Variants in PRKG1 observed in about 807,000 individuals in gnomAD.
PRKG1 encodes cGMP-dependent protein kinase 1.
A neutral mutation model predicts 88.1 loss-of-function variants in PRKG1; 35 were observed. The observed-to-expected ratio is 0.40, with a 90% CI of 0.30 to 0.53. The LOEUF is 0.53. Among genes scored for constraint, PRKG1 ranks in the 20% least tolerant of loss-of-function variants. The pLI is 0.59. For synonymous variants in PRKG1, 303 were observed against 292.5 expected, an observed-to-expected ratio of 1.04 and a Z score of -0.37; for missense variants, 540 against 839.8, an observed-to-expected ratio of 0.64 and a Z score of 4.41.
In PRKG1 at chr10:51,228,240, C is replaced by T. The variant is rs184441929; in HGVS notation, c.478+74910C>T. On this transcript the variant is annotated intron_variant, in intron 2 of 17. Transcript: ENST00000373980. The stretch of plus-strand genomic sequence containing the variant: ...CAACGAGTTATGTTATTGTGTCTGC[C>T]CTTTGGAAACTTTACTTTGTAGGAA... Among the ~76,000 whole-genome samples, 13 of 152,172 alleles carry T rather than the reference C, an allele frequency of 8.5e-5. No individual in the cohort carries two copies. The East Asian group carries it at 2.3e-3, about 27-fold the overall frequency.
chr10:51,967,370 A>G (rs6480624), intron 5 of PRKG1, among the ~76,000 whole-genome samples: 134,458 of 151,794 alleles, frequency 0.89, 59,727 homozygotes, highest in East Asian at 1. Flanking sequence ...ATGAGAACAC[A>G]TGGACACAGG....
At chr10:51,674,590 G>C (rs1034354590) in intron 3 of PRKG1, among the ~76,000 whole-genome samples, 3 of 152,120 alleles carry the variant, frequency 2.0e-5, no homozygotes, top group African/African-American at 7.2e-5. Context: ...ATCACAAGCA[G>C]TATTTTGAAT....
intron 10 of PRKG1, among the ~76,000 whole-genome samples, chr10:52,264,149 G>A (rs1030710985): frequency 6.7e-6 from 1 of 148,292 alleles, no homozygotes; most frequent in African/African-American, 2.5e-5. Flanking sequence ...AGAATCTAAG[G>A]CCAGTGTCCT....
chr10:51,324,672 C>T (rs1277673942), intron 2 of PRKG1, among the ~76,000 whole-genome samples: 2 of 151,948 alleles, frequency 1.3e-5, no homozygotes, highest in East Asian at 1.9e-4. Context: ...ACCTGGGAGG[C>T]GGAGCTTGCA....
upstream of PRKG1, among the ~76,000 whole-genome samples, chr10:51,071,686 C>CT (rs1843828835): frequency 1.3e-5 from 2 of 152,110 alleles, no homozygotes; most frequent in African/African-American, 2.4e-5. Context: ...AAAAAACTCA[C>CT]TTTTTTCCAA....
At chr10:51,531,169 C>T (rs1229455691) in intron 3 of PRKG1, among the ~76,000 whole-genome samples, 4 of 152,180 alleles carry the variant, frequency 2.6e-5, no homozygotes, top group Non-Finnish European at 5.9e-5. Flanking sequence ...TGTTGAGCAT[C>T]TGCCTTGTAA....
chr10:51,786,501 CT>C (rs1359743579), intron 3 of PRKG1, among the ~76,000 whole-genome samples: 1 of 152,042 alleles, frequency 6.6e-6, no homozygotes, highest in Non-Finnish European at 1.5e-5. Context: ...ACTGTAAGCA[CT>C]TTTTCCATGG....
intron 3 of PRKG1, among the ~76,000 whole-genome samples, chr10:51,593,129 C>T (rs1233318424): frequency 6.6e-6 from 1 of 152,108 alleles, no homozygotes; most frequent in East Asian, 1.9e-4. Flanking sequence ...AAAAGAATGC[C>T]ATAGTTCCAT....
intron 3 of PRKG1, among the ~76,000 whole-genome samples, chr10:51,730,632 A>G (rs1041051149): frequency 6.6e-6 from 1 of 152,200 alleles, no homozygotes; most frequent in South Asian, 2.1e-4. Flanking sequence ...TTATGTTGCA[A>G]TCTATCAAAT....
At chr10:51,277,822 G>A (rs1735352449) in intron 2 of PRKG1, among the ~76,000 whole-genome samples, 3 of 152,210 alleles carry the variant, frequency 2.0e-5, no homozygotes, top group Admixed American at 6.5e-5. Context: ...AGACTTTGCT[G>A]AAGTTGCTTA....
chr10:51,622,005 T>A (rs1273062922), intron 3 of PRKG1, among the ~76,000 whole-genome samples: 1 of 152,212 alleles, frequency 6.6e-6, no homozygotes, highest in Non-Finnish European at 1.5e-5. Flanking sequence ...TTTCTTCAGA[T>A]TTCTCCTCAC....
intron 2 of PRKG1, among the ~76,000 whole-genome samples, chr10:51,310,338 C>G (rs1841151228): frequency 6.6e-6 from 1 of 152,210 alleles, no homozygotes; most frequent in African/African-American, 2.4e-5. Flanking sequence ...TCAATACACA[C>G]TTTTTAAAAA....
At chr10:51,537,659 C>A (rs529652308) in intron 3 of PRKG1, among the ~76,000 whole-genome samples, 46 of 143,738 alleles carry the variant, frequency 3.2e-4, no homozygotes, top group African/African-American at 1.1e-3. Context: ...ACCCAGGAGG[C>A]AGAGGTTGCA....
intron 1 of PRKG1, among the ~76,000 whole-genome samples, chr10:51,150,760 C>A (rs150936994): frequency 1.3e-5 from 2 of 151,996 alleles, no homozygotes; most frequent in African/African-American, 2.4e-5. Flanking sequence ...CCTGAAATCC[C>A]GTCCTTCCCA....
chr10:51,086,464 G>A (rs16913659), intron 1 of PRKG1, among the ~76,000 whole-genome samples: 2,908 of 152,208 alleles, frequency 0.019, 94 homozygotes, highest in East Asian at 0.15. Context: ...GCACTTAGAA[G>A]CATTATGGAT....
At chr10:51,052,532 C>G (rs1323406967) in intron 1 of PRKG1, among the ~76,000 whole-genome samples, 1 of 152,130 alleles carries the variant, frequency 6.6e-6, no homozygotes, top group Admixed American at 6.5e-5. Flanking sequence ...ATTTAGAATG[C>G]AAATATATCT....
intron 3 of PRKG1, among the ~76,000 whole-genome samples, chr10:51,665,338 C>T (rs1367608483): frequency 6.6e-6 from 1 of 152,144 alleles, no homozygotes; most frequent in Non-Finnish European, 1.5e-5. Flanking sequence ...AATAATTTTA[C>T]ATTGCCTTGC....
intron 9 of PRKG1, among the ~76,000 whole-genome samples, chr10:52,210,444 A>C (rs1182570796): frequency 1.3e-5 from 2 of 152,080 alleles, no homozygotes; most frequent in African/African-American, 4.8e-5. Context: ...TCATTTAAAA[A>C]ATATTTTCCA....
chr10:52,238,615 T>A lies in PRKG1; in HGVS notation c.1077-12955T>A, dbSNP rs199873884. Among the ~76,000 whole-genome samples, 199 of 146,038 alleles carry A rather than the reference T, an allele frequency of 1.4e-3. No homozygotes were observed. The East Asian group carries it at 0.015, about 11-fold the overall frequency. ...TCAGAGAAATGCAAATCAAAACCAC[T>A]ATGAAATACCATCTCACACCAGTTA... On this transcript the variant is annotated intron_variant, in intron 9 of 17. Coordinates refer to ENST00000373980, the MANE Select transcript of PRKG1 (RefSeq NM_006258.4).
Sources: gnomAD v4.1 joint callset for allele counts (sites outside exome capture counted in the v4.1 genomes callset) on GRCh38, gnomAD v4.1.1 for gene constraint, MANE v1.5 for transcripts, NCBI Gene and HGNC (gene_info 2026-07-23, HGNC 2026-07-21) for gene names.